TFEB: variants seen among roughly 807,000 people sequenced by gnomAD.
The protein encoded by TFEB is transcription factor EB, also known as T-cell transcription factor EB.
Under a neutral mutation model 48.0 loss-of-function variants are expected in TFEB, and 12 were observed. The observed-to-expected ratio is 0.25, with a 90% CI of 0.16 to 0.40. TFEB has a LOEUF of 0.40. Among genes scored for constraint, TFEB ranks in the 10% least tolerant of loss-of-function variants. The pLI is 1.00. For synonymous variants in TFEB, 244 were observed against 261.4 expected (o/e 0.93, Z 0.64); for missense variants, 509 against 640.3 (o/e 0.79, Z 2.21).
At chr6:41,710,755 G>A (rs191824277) in intron 1 of TFEB, among the ~76,000 whole-genome samples, 10 of 152,100 alleles carry the variant, frequency 6.6e-5, no homozygotes, top group East Asian at 5.8e-4. Context: ...GCTCTCTCAC[G>A]CCAACCCAAT....
At chr6:41,685,255 A>G (rs2281325) in intron 8 of TFEB, among the ~76,000 whole-genome samples, 177 bp from the exon 9 acceptor site, 21,695 of 152,192 alleles carry the variant, frequency 0.14, 1,606 homozygotes, top group Middle Eastern at 0.24. Flanking sequence ...GTTTTTTCAG[A>G]CTACAAGTCG....
intron 7 of TFEB, chr6:41,686,817 C>T: frequency 2.0e-6 from 1 of 497,376 alleles, no homozygotes; most frequent in Non-Finnish European, 3.7e-6. Flanking sequence ...CTCTTGTCTG[C>T]CAGCCCAATG....
intron 1 of TFEB, chr6:41,733,783 G>C: frequency 1.0e-6 from 1 of 985,350 alleles, no homozygotes; most frequent in Non-Finnish European, 1.2e-6. Context: ...AGCTCCCTGA[G>C]GGGAGGGCCT....
intron 1 of TFEB, among the ~76,000 whole-genome samples, chr6:41,700,421 T>C (rs1447038576): frequency 2.0e-4 from 29 of 142,082 alleles, no homozygotes; most frequent in African/African-American, 7.2e-4. Flanking sequence ...AGCCGAGATC[T>C]CGCCACTGCA....
At chr6:41,718,667 C>T (rs1770844874) in intron 1 of TFEB, among the ~76,000 whole-genome samples, 1 of 151,036 alleles carries the variant, frequency 6.6e-6, no homozygotes, top group African/African-American at 2.5e-5. Flanking sequence ...CCCCCAACCC[C>T]TATTTTTCTT....
At position 41,691,560 on chromosome 6, in the gene TFEB, T is replaced by G; in HGVS notation, c.-22-325A>C. The stretch of plus-strand genomic sequence containing the variant: ...CCTGATCCTGTTAGATCCGACCTCA[T>G]ATCCACCCTCCTTTGCTGCCACAAG... On this transcript the variant is annotated intron_variant, in intron 1 of 8. Transcript: ENST00000373033. The surrounding 1 kb of genome is among the most constrained non-coding windows in gnomAD (Gnocchi z 5.2). The G allele has an allele frequency of 7.5e-6, 4 of 531,562 alleles. No individual in the cohort carries two copies. Among genetic ancestry groups the G allele is most frequent in the East Asian group, 3.6e-5 (1 of 27,854 alleles). The allele number at this position is 531,562 out of a possible 1,614,324, so 32.9% of individuals were successfully genotyped here.
In TFEB at chr6:41,707,716, T is replaced by A. The variant is rs541044160; in HGVS notation, c.-22-16481A>T. Among the ~76,000 whole-genome samples the A allele has an allele frequency of 2.4e-4, 36 of 152,252 alleles. No individual in the cohort carries two copies. The East Asian group carries it at 6.0e-3, about 25-fold the overall frequency. ...AAGGCTCCTCTCCAAGAAGCAGACA[T>A]GACAGAGCCTGTGCCAGGGCAAACA... On this transcript the variant is annotated intron_variant, in intron 1 of 8. Transcript: ENST00000373033.
chr6:41,726,117 T>C (rs930561293), intron 1 of TFEB, among the ~76,000 whole-genome samples: 10 of 151,840 alleles, frequency 6.6e-5, no homozygotes, highest in Non-Finnish European at 1.5e-4. Context: ...CAAAAATAAA[T>C]AAATAATAAA....
chr6:41,697,947 G>C (rs557982966), intron 1 of TFEB, among the ~76,000 whole-genome samples: 1 of 152,194 alleles, frequency 6.6e-6, no homozygotes, highest in African/African-American at 2.4e-5. Flanking sequence ...TGACTTCTTT[G>C]GATGATGTAA....
At chr6:41,694,086 G>C (rs1048813300) in intron 1 of TFEB, among the ~76,000 whole-genome samples, 1 of 152,324 alleles carries the variant, frequency 6.6e-6, no homozygotes, top group Middle Eastern at 3.4e-3. Flanking sequence ...CCGGCACAGG[G>C]AGGGCTAGGG....
chr6:41,718,456 G>A (rs868530958), intron 1 of TFEB, among the ~76,000 whole-genome samples: 14 of 152,026 alleles, frequency 9.2e-5, no homozygotes, highest in Middle Eastern at 3.4e-3. Flanking sequence ...GAAGTCTCCC[G>A]CCTCAGTCTC....
intron 1 of TFEB, among the ~76,000 whole-genome samples, chr6:41,727,347 G>A (rs1771256074): frequency 6.6e-6 from 1 of 152,200 alleles, no homozygotes; most frequent in South Asian, 2.1e-4. Context: ...GGCTGCAGAT[G>A]CTGTGGAACT....
chr6:41,723,454 C>T lies in TFEB; in HGVS notation c.-23+11896G>A, dbSNP rs940988444. 5.4e-6 allele frequency: 7 copies of T among 1,286,572 alleles called. No individual in the cohort carries two copies. In the African/African-American group the frequency reaches 9.1e-5, roughly 17 times the overall value. The allele number at this position is 1,286,572 out of a possible 1,614,324, so 79.7% of individuals were successfully genotyped here. On this transcript the variant is annotated intron_variant, in intron 1 of 8. Transcript: ENST00000373033. The surrounding 1 kb of genome is among the most constrained non-coding windows in gnomAD (Gnocchi z 6.0). ...ACTCACACACATGCACGCGTGTGCT[C>T]TCATACCTTCGAGAGGGCAGCCCCC...
chr6:41,695,355 G>A (rs925863625), intron 1 of TFEB, among the ~76,000 whole-genome samples: 3 of 152,210 alleles, frequency 2.0e-5, no homozygotes, highest in African/African-American at 7.2e-5. Flanking sequence ...TCATGAAATG[G>A]TATATGTGTA....
At position 41,686,024 on chromosome 6, in the gene TFEB, C is replaced by T. The variant is rs1768979318; in HGVS notation, c.951+66G>A. The T allele has an allele frequency of 2.5e-6, 4 of 1,596,688 alleles. 1 individual carries two copies. In the Admixed American group the frequency reaches 5.0e-5, roughly 20 times the overall value. ...TCCAACTTCAGAAGTACAAGTACTGCCCCTTAGGGCCAGGAGCCAGGTTAA... is the reference window on the plus strand; with the variant it reads ...TCCAACTTCAGAAGTACAAGTACTGTCCCTTAGGGCCAGGAGCCAGGTTAA... On this transcript the variant is annotated intron_variant, in intron 8 of 8. Transcript: ENST00000373033.
intron 1 of TFEB, among the ~76,000 whole-genome samples, chr6:41,705,407 A>C (rs1189046815): frequency 6.6e-6 from 1 of 152,118 alleles, no homozygotes; most frequent in Non-Finnish European, 1.5e-5. Flanking sequence ...CCTCCTCACC[A>C]GGTTGCTGGG....
rs759599553 is a variant in TFEB, at chr6:41,687,100, T to C, written c.797A>G (p.Asn266Ser). The C allele has an allele frequency of 9.9e-6, 16 of 1,614,070 alleles. No homozygotes were observed. The highest frequency in any genetic ancestry group is 5.5e-5 in the South Asian group (5 of 91,088). ...CCCTCAGAAACCTGCTCACAGGTCATTGGCCTTGGGGATCAGCATTCCCAA... is the reference window on the plus strand; with the variant it reads ...CCCTCAGAAACCTGCTCACAGGTCACTGGCCTTGGGGATCAGCATTCCCAA... ...KELGMLIPKANDLDVRWNKGT... is the reference protein window; with the variant it reads ...KELGMLIPKASDLDVRWNKGT... The change falls in exon 7 of 9, where the codon AAT (asparagine) becomes AGT (serine). Residue 266 changes from asparagine (N) to serine (S), a missense_variant. Physicochemically the swap from Asn to Ser is conservative, Grantham distance 46 (BLOSUM62 1). Around this residue, in one of 4 missense-constraint regions of TFEB, gnomAD observed 28 missense variants for 71.9 expected, o/e 0.39. Transcript: ENST00000373033.
chr6:41,686,514 T>C (rs950531361), intron 7 of TFEB: 5 of 318,036 alleles, frequency 1.6e-5, no homozygotes, highest in African/African-American at 1.1e-4. Flanking sequence ...CTTTCTTTTT[T>C]TTTTTTTTTT....
At chr6:41,687,226 T>C (rs1252832343) in intron 6 of TFEB, 57 bp from the exon 7 acceptor site, 1 of 1,544,032 alleles carries the variant, frequency 6.5e-7, no homozygotes, top group Non-Finnish European at 8.9e-7. Flanking sequence ...CCCCACCCCA[T>C]GGGGAGAAGT....
Sources: gnomAD v4.1 joint callset for allele counts (sites outside exome capture counted in the v4.1 genomes callset) on GRCh38, gnomAD v4.1.1 for gene constraint, gnomAD v4.1.1 regional missense constraint, Gnocchi (gnomAD v3.1) non-coding constraint, MANE v1.5 for transcripts, NCBI Gene and HGNC (gene_info 2026-07-23, HGNC 2026-07-21) for gene names.